Variants in LUZP2 observed in about 807,000 individuals in gnomAD.
LUZP2 encodes leucine zipper protein 2.
In LUZP2, 52 loss-of-function variants were observed where a neutral mutation model predicts 51.6. The ratio of observed to expected loss-of-function variants is 1.01; its 90% CI spans 0.81 to 1.27. The LOEUF (loss-of-function observed/expected upper bound fraction) is 1.27, where lower values mean the gene tolerates loss of function less well. Ranked by LOEUF, LUZP2 falls within the 50% of genes most tolerant of loss-of-function variation. The pLI is 0.00. For synonymous variants in LUZP2, 154 were observed against 137.3 expected (o/e 1.12, Z -0.85); for missense variants, 436 against 395.4 (o/e 1.10, Z -0.87).
intron 1 of LUZP2, among the ~76,000 whole-genome samples, chr11:24,655,724 C>T (rs973342560): frequency 6.6e-6 from 1 of 152,088 alleles, no homozygotes; most frequent in Non-Finnish European, 1.5e-5. Flanking sequence ...ATTTAGTGAC[C>T]AGCCTGCTTG....
intron 5 of LUZP2, among the ~76,000 whole-genome samples, chr11:24,774,559 CTA>C (rs1349051308): frequency 7.2e-5 from 3 of 41,520 alleles, no homozygotes; most frequent in African/African-American, 1.2e-4. Flanking sequence ...AGAATATATT[CTA>C]TATATATGTA....
At chr11:24,674,716 A>AT (rs1856492792) in intron 1 of LUZP2, among the ~76,000 whole-genome samples, 2 of 152,006 alleles carry the variant, frequency 1.3e-5, no homozygotes, top group African/African-American at 2.4e-5. Context: ...AAGAAAAAAA[A>AT]AGTCTGTGAG....
intron 7 of LUZP2, among the ~76,000 whole-genome samples, chr11:24,925,442 C>T (rs1854197300): frequency 6.6e-6 from 1 of 152,168 alleles, no homozygotes; most frequent in African/African-American, 2.4e-5. Context: ...GAAGTAAATT[C>T]TGTGCATAAG....
intron 7 of LUZP2, among the ~76,000 whole-genome samples, chr11:24,974,661 C>A (rs1449028522): frequency 6.6e-6 from 1 of 151,892 alleles, no homozygotes; most frequent in East Asian, 1.9e-4. Flanking sequence ...AGCAAATTAA[C>A]CCATATAGAT....
At chr11:24,736,175 T>C (rs940933038) in intron 3 of LUZP2, among the ~76,000 whole-genome samples, 1 of 151,818 alleles carries the variant, frequency 6.6e-6, no homozygotes, top group Non-Finnish European at 1.5e-5. Flanking sequence ...TTGGAAGAAA[T>C]ATATAGATAG....
intron 1 of LUZP2, among the ~76,000 whole-genome samples, chr11:24,509,716 A>G (rs770097387): frequency 6.6e-6 from 1 of 151,628 alleles, no homozygotes; most frequent in Non-Finnish European, 1.5e-5. Flanking sequence ...TATATTACTC[A>G]TAGATACCTT....
At chr11:24,911,862 TTTCA>T (rs1853646357) in intron 6 of LUZP2, among the ~76,000 whole-genome samples, 2 of 152,126 alleles carry the variant, frequency 1.3e-5, no homozygotes, top group Non-Finnish European at 2.9e-5. Flanking sequence ...CAATGTGAGT[TTTCA>T]TTCATAAAAG....
intron 5 of LUZP2, among the ~76,000 whole-genome samples, chr11:24,825,298 A>G (rs1228657653): frequency 6.6e-6 from 1 of 152,194 alleles, no homozygotes; most frequent in Non-Finnish European, 1.5e-5. Context: ...GAAAACTTTT[A>G]TTGTCACAAT....
intron 5 of LUZP2, among the ~76,000 whole-genome samples, chr11:24,893,778 A>G (rs1017004045): frequency 7.3e-5 from 3 of 41,048 alleles, no homozygotes; most frequent in East Asian, 3.9e-3. Context: ...ACACGCACAC[A>G]CACACACACA....
intron 10 of LUZP2, among the ~76,000 whole-genome samples, chr11:25,061,080 C>T (rs1858822480): frequency 6.6e-6 from 1 of 152,056 alleles, no homozygotes; most frequent in Non-Finnish European, 1.5e-5. Context: ...TGAACTTACC[C>T]ACATTATCAC....
At chr11:24,875,067 C>T (rs1294493063) in intron 5 of LUZP2, among the ~76,000 whole-genome samples, 1 of 151,814 alleles carries the variant, frequency 6.6e-6, no homozygotes, top group African/African-American at 2.4e-5. Flanking sequence ...CAATTTGTAT[C>T]CATTAAGGAA....
At chr11:24,604,949 T>C (rs570057823) in intron 1 of LUZP2, among the ~76,000 whole-genome samples, 3 of 151,798 alleles carry the variant, frequency 2.0e-5, no homozygotes, top group Admixed American at 6.6e-5. Flanking sequence ...TTGTGGGGAG[T>C]GGCTTGTTTA....
chr11:24,839,653 A>T lies in LUZP2; in HGVS notation c.397-66338A>T, dbSNP rs146853035. 4.4e-3 allele frequency among the ~76,000 whole-genome samples: 663 copies of T among 151,800 alleles called. 7 individuals carry two copies. Among genetic ancestry groups the T allele is most frequent in the South Asian group, 0.026 (124 of 4,822 alleles). On this transcript the variant is annotated intron_variant, in intron 5 of 11. Coordinates refer to ENST00000336930, the MANE Select transcript of LUZP2 (RefSeq NM_001009909.4). ...CCTGATGACTTATCTCTTCATGGGC[A>T]TCTTACTGTTAAAACACATTTCCTT...
Position 24,497,177 on chromosome 11 carries a change from G to A in LUZP2, c.-67G>A. On this transcript the variant is annotated 5_prime_UTR_variant, in exon 1 of 12. Transcript: ENST00000336930. ...GCTGGGGACAGAGCCGGGCACCAAG[G>A]AGCGACAGGATCCCGAAGAGAGAGA... The A allele has an allele frequency of 2.8e-6, 4 of 1,427,950 alleles. No homozygotes were observed. Among genetic ancestry groups the A allele is most frequent in the Non-Finnish European group, 3.8e-6 (4 of 1,058,640 alleles). The allele number at this position is 1,427,950 out of a possible 1,614,324, so 88.5% of individuals were successfully genotyped here.
intron 1 of LUZP2, among the ~76,000 whole-genome samples, chr11:24,501,580 T>G (rs1328473016): frequency 6.6e-6 from 1 of 152,232 alleles, no homozygotes; most frequent in Non-Finnish European, 1.5e-5. Context: ...CTAAATCATT[T>G]AAGTAACCTG....
intron 5 of LUZP2, among the ~76,000 whole-genome samples, chr11:24,830,288 T>C (rs1352457762): frequency 2.5e-5 from 3 of 121,998 alleles, no homozygotes; most frequent in Non-Finnish European, 5.3e-5. Context: ...TTCTCATAAA[T>C]TTCTTGGTAG....
intron 5 of LUZP2, among the ~76,000 whole-genome samples, chr11:24,807,949 A>G (rs1035631879): frequency 6.6e-5 from 10 of 152,158 alleles, no homozygotes; most frequent in East Asian, 1.9e-4. Flanking sequence ...AAGCGTCACT[A>G]TCAAATAGAA....
At chr11:24,602,661 A>G (rs1274147544) in intron 1 of LUZP2, among the ~76,000 whole-genome samples, 1 of 151,616 alleles carries the variant, frequency 6.6e-6, no homozygotes, top group Non-Finnish European at 1.5e-5. Context: ...AGTAAAAAAT[A>G]TAAGCAGAAA....
intron 7 of LUZP2, among the ~76,000 whole-genome samples, chr11:24,959,662 G>A (rs1414650904): frequency 6.6e-6 from 1 of 152,244 alleles, no homozygotes; most frequent in Admixed American, 6.5e-5. Flanking sequence ...CTGAGACAGT[G>A]GGGTTTTCTA....
Sources: gnomAD v4.1 joint callset for allele counts (sites outside exome capture counted in the v4.1 genomes callset) on GRCh38, gnomAD v4.1.1 for gene constraint, MANE v1.5 for transcripts, NCBI Gene and HGNC (gene_info 2026-07-23, HGNC 2026-07-21) for gene names.